The following GLRA3 variants were observed in gnomAD, a reference collection of about 807,000 sequenced individuals.
GLRA3 encodes glycine receptor alpha 3, also known as glycine receptor subunit alpha-3.
Under a neutral mutation model 60.4 loss-of-function variants are expected in GLRA3, and 44 were observed. That is an observed-to-expected ratio of 0.73 (90% CI 0.57 to 0.94). The LOEUF (loss-of-function observed/expected upper bound fraction) is 0.94, where lower values mean the gene tolerates loss of function less well. GLRA3 is among the 40% of genes least tolerant of loss of function. The pLI is 0.00. For missense variants in GLRA3, 508 were observed against 564.6 expected, an observed-to-expected ratio of 0.90 and a Z score of 1.02; for synonymous variants, 223 against 192.9, an observed-to-expected ratio of 1.16 and a Z score of -1.29.
intron 7 of GLRA3, among the ~76,000 whole-genome samples, chr4:174,660,454 G>A (rs1435603243): frequency 6.6e-6 from 1 of 151,254 alleles, no homozygotes; most frequent in Non-Finnish European, 1.5e-5. Flanking sequence ...TGGATTTTTA[G>A]TAGGAATTCC....
At chr4:174,704,607 A>G (rs1735446608) in intron 5 of GLRA3, among the ~76,000 whole-genome samples, 1 of 144,132 alleles carries the variant, frequency 6.9e-6, no homozygotes, top group Non-Finnish European at 1.5e-5. Context: ...TATGTCCAAA[A>G]GAATTCAAAG....
chr4:174,791,603 T>C (rs1261869918), intron 1 of GLRA3, among the ~76,000 whole-genome samples: 1 of 152,216 alleles, frequency 6.6e-6, no homozygotes, highest in African/African-American at 2.4e-5. Flanking sequence ...TACTTTCTTT[T>C]TAGCTCTTTG....
chr4:174,813,880 C>T (rs1194390730), intron 1 of GLRA3, among the ~76,000 whole-genome samples: 1 of 152,136 alleles, frequency 6.6e-6, no homozygotes, highest in African/African-American at 2.4e-5. Flanking sequence ...TAAACAAGCT[C>T]ACATCTTCTG....
chr4:174,822,223 T>C (rs1740768076), intron 1 of GLRA3, among the ~76,000 whole-genome samples: 4 of 152,172 alleles, frequency 2.6e-5, no homozygotes, highest in Admixed American at 2.6e-4. Context: ...CCATACATTA[T>C]TATAGAAGTT....
intron 9 of GLRA3, among the ~76,000 whole-genome samples, chr4:174,646,449 C>T (rs1430398883): frequency 6.6e-6 from 1 of 152,090 alleles, no homozygotes; most frequent in Non-Finnish European, 1.5e-5. Context: ...TCCTTGAAAA[C>T]AATGGAGATA....
intron 5 of GLRA3, among the ~76,000 whole-genome samples, chr4:174,696,479 T>C (rs960037264): frequency 6.7e-6 from 1 of 148,692 alleles, no homozygotes; most frequent in Non-Finnish European, 1.5e-5. Context: ...CAATATAATT[T>C]AATATAATAT....
chr4:174,683,150 A>G (rs182062808), intron 5 of GLRA3, among the ~76,000 whole-genome samples: 7 of 152,274 alleles, frequency 4.6e-5, no homozygotes, highest in Admixed American at 3.9e-4. Context: ...ATATGAGAAA[A>G]CAAAATGGAC....
At chr4:174,715,999 CA>C (rs1356496187) in intron 4 of GLRA3, among the ~76,000 whole-genome samples, 1 of 152,134 alleles carries the variant, frequency 6.6e-6, no homozygotes, top group Non-Finnish European at 1.5e-5. Flanking sequence ...AAATTAATGC[CA>C]AACGTCAAAA....
At chr4:174,715,937 C>G (rs1735902414) in intron 4 of GLRA3, among the ~76,000 whole-genome samples, 1 of 152,264 alleles carries the variant, frequency 6.6e-6, no homozygotes, top group East Asian at 1.9e-4. Context: ...TAGAAAATGT[C>G]TGTATTCCAA....
chr4:174,702,023 T>C (rs1433665971), intron 5 of GLRA3, among the ~76,000 whole-genome samples: 1 of 152,076 alleles, frequency 6.6e-6, no homozygotes, highest in South Asian at 2.1e-4. Context: ...GGTGGCAGAG[T>C]TTCAGAGGAT....
chr4:174,829,215 C>G lies in GLRA3; in HGVS notation c.-404G>C, dbSNP rs376958392. On this transcript the variant is annotated 5_prime_UTR_variant, in exon 1 of 10. Coordinates refer to ENST00000274093, the MANE Select transcript of GLRA3 (RefSeq NM_006529.4). The stretch of plus-strand genomic sequence containing the variant: ...ACGCCTCTCCACCTGCTCCAAGCGC[C>G]GCCCGCCGGAATCCAGCTCTCCACC... The G allele has an allele frequency of 6.2e-6, 1 of 161,852 alleles. No homozygotes were observed. Among genetic ancestry groups the G allele is most frequent in the South Asian group, 1.7e-4 (1 of 6,060 alleles). The allele number at this position is 161,852 out of a possible 1,614,324, so 10.0% of individuals were successfully genotyped here.
intron 5 of GLRA3, among the ~76,000 whole-genome samples, chr4:174,710,032 C>T (rs1735657078): frequency 6.6e-6 from 1 of 150,880 alleles, no homozygotes; most frequent in African/African-American, 2.4e-5. Flanking sequence ...TCATATTTTC[C>T]AAATAGCCTC....
intron 1 of GLRA3, among the ~76,000 whole-genome samples, chr4:174,817,482 T>C (rs574251957): frequency 4.6e-5 from 7 of 152,344 alleles, no homozygotes; most frequent in Admixed American, 1.3e-4. Flanking sequence ...AACTAATCTG[T>C]ACTAAAACAA....
At chr4:174,782,029 G>T (rs1255080959) in intron 2 of GLRA3, among the ~76,000 whole-genome samples, 1 of 148,654 alleles carries the variant, frequency 6.7e-6, no homozygotes, top group Non-Finnish European at 1.5e-5. Context: ...GAGAATTTTA[G>T]ACCAATATCC....
chr4:174,750,958 T>C (rs890720296), intron 3 of GLRA3, among the ~76,000 whole-genome samples: 5 of 152,116 alleles, frequency 3.3e-5, no homozygotes, highest in Non-Finnish European at 4.4e-5. Flanking sequence ...AACTTAAGAA[T>C]GTCTCATGAA....
intron 1 of GLRA3, among the ~76,000 whole-genome samples, chr4:174,793,630 A>G (rs1021078046): frequency 1.3e-5 from 2 of 151,934 alleles, no homozygotes; most frequent in Non-Finnish European, 2.9e-5. Flanking sequence ...GGACTCAAAC[A>G]ATCCTCCTAC....
At chr4:174,660,566 T>A (rs1369364809) in intron 7 of GLRA3, among the ~76,000 whole-genome samples, 1 of 152,220 alleles carries the variant, frequency 6.6e-6, no homozygotes, top group Non-Finnish European at 1.5e-5. Flanking sequence ...TATTATAAAA[T>A]TGCTAATCTT....
chr4:174,798,707 G>T (rs868858990), intron 1 of GLRA3, among the ~76,000 whole-genome samples: 1 of 152,192 alleles, frequency 6.6e-6, no homozygotes, highest in Non-Finnish European at 1.5e-5. Flanking sequence ...GGCGGATCAC[G>T]AGGTCAGTAG....
intron 1 of GLRA3, among the ~76,000 whole-genome samples, chr4:174,827,928 G>A (rs1741044203): frequency 6.6e-6 from 1 of 152,052 alleles, no homozygotes; most frequent in Admixed American, 6.5e-5. Context: ...AATTGTAACA[G>A]TAAAATTAAA....
Sources: gnomAD v4.1 joint callset for allele counts (sites outside exome capture counted in the v4.1 genomes callset) on GRCh38, gnomAD v4.1.1 for gene constraint, MANE v1.5 for transcripts, NCBI Gene and HGNC (gene_info 2026-07-23, HGNC 2026-07-21) for gene names.